Variants in PTPDC1 observed in about 807,000 individuals in gnomAD.
PTPDC1 encodes protein tyrosine phosphatase domain-containing protein 1.
A neutral mutation model predicts 75.3 loss-of-function variants in PTPDC1; 53 were observed. The observed-to-expected ratio is 0.70, with a 90% CI of 0.56 to 0.88. The LOEUF (loss-of-function observed/expected upper bound fraction) is 0.88. PTPDC1 is among the 40% of genes least tolerant of loss of function. The pLI, the probability that PTPDC1 is intolerant of heterozygous loss-of-function variation, is 0.00. For synonymous variants in PTPDC1, 349 were observed against 366.2 expected, an observed-to-expected ratio of 0.95 and a Z score of 0.54; for missense variants, 925 against 998.6, an observed-to-expected ratio of 0.93 and a Z score of 0.99.
intron 2 of PTPDC1, chr9:94,064,887 T>C (rs913220398): frequency 8.5e-7 from 1 of 1,175,810 alleles, no homozygotes; most frequent in African/African-American, 1.5e-5. Context: ...AGTAGCTATA[T>C]GAATGGACAC....
intron 1 of PTPDC1, among the ~76,000 whole-genome samples, chr9:94,036,370 G>A (rs986261097): frequency 6.6e-6 from 1 of 152,098 alleles, no homozygotes; most frequent in Non-Finnish European, 1.5e-5. Flanking sequence ...TGTAAGTGGT[G>A]TAAGATAGGA....
chr9:94,070,899 T>C (rs1826494158), intron 2 of PTPDC1, among the ~76,000 whole-genome samples: 1 of 152,228 alleles, frequency 6.6e-6, no homozygotes, highest in Admixed American at 6.5e-5. Flanking sequence ...CCACAGTGTG[T>C]TTATCAGTTC....
At chr9:94,067,345 A>T (rs1394197982) in intron 2 of PTPDC1, among the ~76,000 whole-genome samples, 1 of 151,778 alleles carries the variant, frequency 6.6e-6, no homozygotes, top group Non-Finnish European at 1.5e-5. Flanking sequence ...AGCCAAGATC[A>T]TGTCACTGCA....
At chr9:94,053,440 A>AT (rs747716590) in intron 1 of PTPDC1, among the ~76,000 whole-genome samples, 1 of 152,206 alleles carries the variant, frequency 6.6e-6, no homozygotes, top group East Asian at 1.9e-4. Flanking sequence ...AAAGAAGACT[A>AT]TTTTTGTTTA....
At chr9:94,086,537 C>T (rs1362411610) in intron 2 of PTPDC1, among the ~76,000 whole-genome samples, 1 of 152,110 alleles carries the variant, frequency 6.6e-6, no homozygotes, top group Non-Finnish European at 1.5e-5. Flanking sequence ...TGTTATTCCC[C>T]TGAGATTCAT....
intron 1 of PTPDC1, among the ~76,000 whole-genome samples, chr9:94,040,829 T>C (rs1032360607): frequency 6.6e-6 from 1 of 152,228 alleles, no homozygotes; most frequent in African/African-American, 2.4e-5. Flanking sequence ...TAGCTCCTTT[T>C]ACCTGAAGAC....
intron 4 of PTPDC1, among the ~76,000 whole-genome samples, chr9:94,091,692 G>A (rs1163452644): frequency 3.3e-5 from 5 of 152,132 alleles, no homozygotes; most frequent in East Asian, 3.9e-4. Flanking sequence ...GGTAGAATTC[G>A]GCTGTGAATC....
At chr9:94,087,971 C>A in intron 3 of PTPDC1, 60 bp downstream of exon 3, 2 of 1,510,012 alleles carry the variant, frequency 1.3e-6, no homozygotes, top group Non-Finnish European at 1.8e-6. Flanking sequence ...TCTTTCATTG[C>A]CTTTGTTTCA....
intron 1 of PTPDC1, 91 bp from the exon 2 acceptor site, chr9:94,085,160 A>G: frequency 8.6e-7 from 1 of 1,160,992 alleles, no homozygotes; most frequent in Non-Finnish European, 1.2e-6. Context: ...CTTGTCATCT[A>G]CCATCCTGAG....
intron 1 of PTPDC1, among the ~76,000 whole-genome samples, chr9:94,039,642 A>G (rs925177354): frequency 1.3e-5 from 2 of 152,144 alleles, no homozygotes; most frequent in African/African-American, 2.4e-5. Context: ...TAAATGAGGC[A>G]GGAGGATTAC....
At chr9:94,088,406 C>G in intron 4 of PTPDC1, 143 bp downstream of exon 4, 1 of 966,992 alleles carries the variant, frequency 1.0e-6, no homozygotes, top group Non-Finnish European at 1.5e-6. Flanking sequence ...AGCTACCATT[C>G]TCTTTGGTAT....
upstream of PTPDC1, among the ~76,000 whole-genome samples, chr9:94,083,410 T>C (rs976198784): frequency 6.6e-6 from 1 of 151,384 alleles, no homozygotes; most frequent in African/African-American, 2.4e-5. Context: ...ACTGGGGAGA[T>C]GGGGGCGGCA....
intron 5 of PTPDC1, 62 bp from the exon 6 acceptor site, chr9:94,097,259 T>C: frequency 1.9e-6 from 2 of 1,059,496 alleles, no homozygotes; most frequent in South Asian, 3.2e-5. Context: ...CAAAGAGTGA[T>C]AAATAAAATA....
rs139037436 is a variant in PTPDC1 at position 94,070,702 on chromosome 9, A to C, written c.82+5881A>C. Among the ~76,000 whole-genome samples, 1,045 of 152,316 alleles carry C rather than the reference A, an allele frequency of 6.9e-3. 4 individuals carry two copies. The highest frequency in any genetic ancestry group is 0.014 in the Middle Eastern group (4 of 294). ...CTAACTCTGGCCTGTGGCAACCACT[A>C]TCTGTTCCCCAGTTCTATAATTTTG... is the stretch of plus-strand genomic sequence containing the variant. On this transcript the variant is annotated intron_variant, in intron 2 of 9. Coordinates refer to the PTPDC1 transcript ENST00000375360.
At chr9:94,044,046 T>G (rs1288993504) in intron 1 of PTPDC1, among the ~76,000 whole-genome samples, 1 of 152,224 alleles carries the variant, frequency 6.6e-6, no homozygotes, top group Non-Finnish European at 1.5e-5. Flanking sequence ...CCTCTATATT[T>G]ATTGTTGTAG....
chr9:94,054,576 T>C (rs1825878753), intron 1 of PTPDC1, among the ~76,000 whole-genome samples: 1 of 152,174 alleles, frequency 6.6e-6, no homozygotes, highest in Non-Finnish European at 1.5e-5. Flanking sequence ...CTGATATTTG[T>C]CTGAGATAAC....
In PTPDC1 at chr9:94,104,760, C is replaced by A. The variant is rs10993053; in HGVS notation, c.2310+375C>A. The stretch of plus-strand genomic sequence containing the variant: ...ACCTTGGGTGTAAGTAAGAAGCCAT[C>A]TATTGAGAATTAAACATCCCACATT... On this transcript the variant is annotated intron_variant, in intron 8 of 8. Coordinates refer to ENST00000620992, the MANE Select transcript of PTPDC1 (RefSeq NM_001253829.2). Among the ~76,000 whole-genome samples the A allele has an allele frequency of 3.9e-5, 6 of 152,288 alleles. No individual in the cohort carries two copies. The East Asian group carries it at 1.2e-3, about 29-fold the overall frequency.
intron 4 of PTPDC1, among the ~76,000 whole-genome samples, chr9:94,093,274 G>T (rs10993049): frequency 1.4e-5 from 2 of 147,058 alleles, no homozygotes; most frequent in Admixed American, 6.8e-5. Flanking sequence ...TTTTAGGGCA[G>T]GCCTGGTGGT....
At chr9:94,045,000 C>A (rs1396706204) in intron 1 of PTPDC1, among the ~76,000 whole-genome samples, 2 of 95,870 alleles carry the variant, frequency 2.1e-5, no homozygotes, top group South Asian at 5.5e-4. Flanking sequence ...CCCCTCCCCC[C>A]ACCCCACAAC....
Sources: allele counts gnomAD v4.1 joint callset (sites outside exome capture counted in the v4.1 genomes callset), GRCh38; gene constraint gnomAD v4.1.1; transcripts MANE v1.5; gene names NCBI Gene and HGNC (gene_info 2026-07-23, HGNC 2026-07-21).